Variants in ARB2A observed in about 807,000 individuals in gnomAD.
ARB2A encodes ARB2 cotranscriptional regulator A.
the ARB2A span, among the ~76,000 whole-genome samples, chr5:93,787,075 T>G: frequency 2.0e-5 from 3 of 152,160 alleles, no homozygotes; most frequent in Admixed American, 6.5e-5. Context: ...TTAAACAACT[T>G]GAAATTCCTT....
At chr5:93,948,670 T>G in the ARB2A span, among the ~76,000 whole-genome samples, 1 of 152,194 alleles carries the variant, frequency 6.6e-6, no homozygotes, top group Admixed American at 6.5e-5. Context: ...TTAATCCATC[T>G]TGAATTAATT....
At chr5:93,710,358 T>C in the ARB2A span, among the ~76,000 whole-genome samples, 4 of 152,222 alleles carry the variant, frequency 2.6e-5, no homozygotes, top group African/African-American at 7.2e-5. Flanking sequence ...TGGGCTTGCA[T>C]TCCTCCATGT....
At chr5:94,063,790 A>T in the ARB2A span, among the ~76,000 whole-genome samples, 1 of 152,190 alleles carries the variant, frequency 6.6e-6, no homozygotes, top group African/African-American at 2.4e-5. Flanking sequence ...ATGACTGCAC[A>T]CACCCAGAAT....
the ARB2A span, among the ~76,000 whole-genome samples, chr5:94,082,757 G>T: frequency 3.6e-4 from 55 of 151,744 alleles, 1 homozygote; most frequent in African/African-American, 1.2e-3. Flanking sequence ...ATACTTTATA[G>T]CATTTCATGT....
At chr5:94,003,626 ATACT>A in the ARB2A span, among the ~76,000 whole-genome samples, 3 of 152,162 alleles carry the variant, frequency 2.0e-5, no homozygotes, top group Non-Finnish European at 4.4e-5. Flanking sequence ...AAAAAATGAA[ATACT>A]TAGACACAAA....
At chr5:94,090,233 T>C in the ARB2A span, among the ~76,000 whole-genome samples, 1 of 152,210 alleles carries the variant, frequency 6.6e-6, no homozygotes, top group African/African-American at 2.4e-5. Flanking sequence ...CTTGAAGAAG[T>C]CCTTCACATC....
At chr5:93,857,079 G>A in the ARB2A span, among the ~76,000 whole-genome samples, 4 of 152,282 alleles carry the variant, frequency 2.6e-5, no homozygotes, top group South Asian at 2.1e-4. Context: ...TATCAGCAGC[G>A]CTGGCTGCAG....
the ARB2A span, among the ~76,000 whole-genome samples, chr5:93,663,506 T>C: frequency 6.6e-6 from 1 of 152,156 alleles, no homozygotes; most frequent in African/African-American, 2.4e-5. Context: ...CAACTGATCA[T>C]GTGAGATAGA....
the ARB2A span, among the ~76,000 whole-genome samples, chr5:93,948,691 G>A: frequency 6.6e-6 from 1 of 152,130 alleles, no homozygotes; most frequent in African/African-American, 2.4e-5. Flanking sequence ...TTTGTATAAG[G>A]TGTAAGGAAC....
At chr5:93,986,012 G>A in the ARB2A span, among the ~76,000 whole-genome samples, 1 of 149,682 alleles carries the variant, frequency 6.7e-6, no homozygotes, top group Non-Finnish European at 1.5e-5. Flanking sequence ...CGTCTGGGAT[G>A]TGGGGAGCGC....
At chr5:93,834,281 T>G in the ARB2A span, among the ~76,000 whole-genome samples, 1 of 152,202 alleles carries the variant, frequency 6.6e-6, no homozygotes, top group Admixed American at 6.5e-5. Context: ...AGTATTGTTA[T>G]GAGCAACTTA....
chr5:93,742,099 C>A, the ARB2A span, among the ~76,000 whole-genome samples: 2 of 152,260 alleles, frequency 1.3e-5, no homozygotes, highest in South Asian at 4.1e-4. Context: ...GAAACCTAGG[C>A]AACCCTGCTT....
chr5:94,063,931 T>C, the ARB2A span, among the ~76,000 whole-genome samples: 1 of 151,814 alleles, frequency 6.6e-6, no homozygotes, highest in Admixed American at 6.6e-5. Context: ...AATGTAAATA[T>C]ATAAGAAACA....
the ARB2A span, among the ~76,000 whole-genome samples, chr5:94,043,709 T>C: frequency 6.6e-6 from 1 of 152,172 alleles, no homozygotes; most frequent in African/African-American, 2.4e-5. Context: ...ACCCAAGTTA[T>C]CTTGGGACCT....
chr5:93,895,032 T>C, the ARB2A span, among the ~76,000 whole-genome samples: 2 of 152,094 alleles, frequency 1.3e-5, no homozygotes, highest in Admixed American at 6.6e-5. Flanking sequence ...GAATTGATAA[T>C]AAAGGCAAAT....
the ARB2A span, among the ~76,000 whole-genome samples, chr5:93,684,734 A>C: frequency 6.6e-6 from 1 of 152,070 alleles, no homozygotes; most frequent in South Asian, 2.1e-4. Flanking sequence ...TTCCTTTTTG[A>C]ATTTCTGGTA....
At chr5:93,735,002 C>T in the ARB2A span, 1 of 152,188 alleles carries the variant, frequency 6.6e-6, no homozygotes, top group Middle Eastern at 3.1e-3. Context: ...AGTGATCTGT[C>T]CACCTCGGCC....
the ARB2A span, among the ~76,000 whole-genome samples, chr5:94,104,721 T>C: frequency 7.9e-5 from 12 of 152,064 alleles, no homozygotes; most frequent in Non-Finnish European, 1.5e-4. Context: ...TAGACCAATA[T>C]CCCTGATGAA....
chr5:93,734,255 C>G, the ARB2A span: 1 of 152,188 alleles, frequency 6.6e-6, no homozygotes, highest in African/African-American at 2.4e-5. Context: ...ACTTACAAGA[C>G]TTATGTAAAA....
Sources: allele counts gnomAD v4.1 joint callset (sites outside exome capture counted in the v4.1 genomes callset), GRCh38; gene constraint gnomAD v4.1.1; transcripts MANE v1.5; gene names NCBI Gene and HGNC (gene_info 2026-07-23, HGNC 2026-07-21).